Variants in TFDP1 observed in about 807,000 individuals in gnomAD.
The protein encoded by TFDP1 is transcription factor Dp-1.
TFDP1 carries 6 observed loss-of-function variants against 48.0 expected under a neutral mutation model. The ratio of observed to expected loss-of-function variants is 0.13; its 90% CI spans 0.07 to 0.25. The LOEUF (loss-of-function observed/expected upper bound fraction) is 0.25, where lower values mean the gene tolerates loss of function less well. Ranked by LOEUF, TFDP1 falls within the 10% of genes least tolerant of loss-of-function variation. TFDP1 has a pLI of 1.00. For synonymous variants in TFDP1, 201 were observed against 211.6 expected, an observed-to-expected ratio of 0.95 and a Z score of 0.44; for missense variants, 335 against 543.0, an observed-to-expected ratio of 0.62 and a Z score of 3.81.
intron 4 of TFDP1, among the ~76,000 whole-genome samples, chr13:113,630,114 G>A (rs2049294708): frequency 6.6e-6 from 1 of 152,048 alleles, no homozygotes; most frequent in Non-Finnish European, 1.5e-5. Flanking sequence ...GGGTCCTTTT[G>A]TCAGCTGTTT....
rs2049615460 is a variant in TFDP1, at chr13:113,640,449, ATG to A, written c.*188_*189del. The A allele has an allele frequency of 7.0e-6, 7 of 994,080 alleles. No individual in the cohort carries two copies. The highest frequency in any genetic ancestry group is 9.8e-6 in the Non-Finnish European group (7 of 716,248). 61.6% of individuals were successfully genotyped at this position (994,080 alleles called of 1,614,324 possible). On this transcript the variant is annotated 3_prime_UTR_variant, in exon 12 of 12. Coordinates refer to ENST00000375370, the MANE Select transcript of TFDP1 (RefSeq NM_007111.5). The stretch of plus-strand genomic sequence containing the variant: ...CCCGTAGGATTAGGACGTGCTGTGG[ATG>A]TGTGTTTTGATACCAGTGTGCTGAT...
In TFDP1 at chr13:113,634,510, CACATGGGT is replaced by C. The variant is rs1228238728; in HGVS notation, c.619-23_619-16del. 6.2e-7 allele frequency: 1 copy of C among 1,606,568 alleles called. No individual in the cohort carries two copies. The highest frequency in any genetic ancestry group is 1.3e-5 in the African/African-American group (1 of 74,598). On this transcript the variant is annotated splice_polypyrimidine_tract_variant and intron_variant, in intron 7 of 11. Coordinates refer to ENST00000375370, the MANE Select transcript of TFDP1 (RefSeq NM_007111.5). ...CTGTGGAACAGTTGTGATGATTCTT[CACATGGGT>C]GGTTTGTTTTTGAAGGTGGAAAGAC...
At chr13:113,601,587 C>T (rs543695680) in intron 2 of TFDP1, among the ~76,000 whole-genome samples, 45 of 152,210 alleles carry the variant, frequency 3.0e-4, no homozygotes, top group Non-Finnish European at 5.0e-4. Context: ...CTAGGGCCAC[C>T]GGAGGTCGTC....
Position 113,636,522 on chromosome 13 carries a change from T to G in TFDP1, c.840-12T>G. ...GAGACCCTGTCTTTCTGACTGTGCCTTTCCCCTTCAGATTTGAGTATCTGT... is the reference window on the plus strand; with the variant it reads ...GAGACCCTGTCTTTCTGACTGTGCCGTTCCCCTTCAGATTTGAGTATCTGT... On this transcript the variant is annotated splice_polypyrimidine_tract_variant and intron_variant, in intron 9 of 11. Coordinates refer to ENST00000375370, the MANE Select transcript of TFDP1 (RefSeq NM_007111.5). 1 of 1,612,812 alleles carries G rather than the reference T, an allele frequency of 6.2e-7. No homozygotes were observed. The highest frequency in any genetic ancestry group is 8.5e-7 in the Non-Finnish European group (1 of 1,179,790).
intron 2 of TFDP1, 54 bp from the exon 3 acceptor site, chr13:113,610,942 G>C (rs1227012790): frequency 6.4e-7 from 1 of 1,570,472 alleles, no homozygotes; most frequent in Non-Finnish European, 8.8e-7. Context: ...AACACCCCTA[G>C]TTTCGTAGCC....
intron 2 of TFDP1, among the ~76,000 whole-genome samples, chr13:113,595,294 C>T (rs1242067847): frequency 2.0e-5 from 3 of 152,234 alleles, no homozygotes; most frequent in Admixed American, 6.5e-5. Context: ...CTTCAAGCCA[C>T]GCCCACCATA....
chr13:113,603,789 G>A (rs2048498209), intron 2 of TFDP1, among the ~76,000 whole-genome samples: 1 of 152,166 alleles, frequency 6.6e-6, no homozygotes, highest in Non-Finnish European at 1.5e-5. Flanking sequence ...AATGTGTTTA[G>A]CACCTTGAGG....
intron 3 of TFDP1, among the ~76,000 whole-genome samples, chr13:113,616,281 G>C (rs2048856832): frequency 6.6e-6 from 1 of 151,744 alleles, no homozygotes; most frequent in Non-Finnish European, 1.5e-5. Flanking sequence ...TGGAGTGTCT[G>C]TCCTCTCCAT....
chr13:113,612,534 A>G (rs1046666528), intron 3 of TFDP1, among the ~76,000 whole-genome samples: 11 of 152,264 alleles, frequency 7.2e-5, no homozygotes, highest in Non-Finnish European at 1.2e-4. Flanking sequence ...TGAACACTTA[A>G]AAGTGGACAA....
chr13:113,627,459 C>T lies in TFDP1; in HGVS notation c.187-4164C>T, dbSNP rs574535338. Among the ~76,000 whole-genome samples, 3 of 152,298 alleles carry T rather than the reference C, an allele frequency of 2.0e-5. No homozygotes were observed. Among genetic ancestry groups the T allele is most frequent in the East Asian group, 1.9e-4 (1 of 5,180 alleles). On this transcript the variant is annotated intron_variant, in intron 4 of 11. Coordinates refer to ENST00000375370, the MANE Select transcript of TFDP1 (RefSeq NM_007111.5). The surrounding 1 kb of genome is among the most constrained non-coding windows in gnomAD (Gnocchi z 4.1). ...CGCAGTGGCCTTTCCTTTGCAGCTG[C>T]GCCACTGGCCCTGTCTCTCTGGACA...
intron 2 of TFDP1, 50 bp from the exon 3 acceptor site, chr13:113,610,946 C>G: frequency 6.4e-7 from 1 of 1,572,856 alleles, no homozygotes. Flanking sequence ...CCCCTAGTTT[C>G]GTAGCCCTTT....
At chr13:113,632,655 G>A (rs1331069118) in intron 5 of TFDP1, among the ~76,000 whole-genome samples, 1 of 152,216 alleles carries the variant, frequency 6.6e-6, no homozygotes, top group South Asian at 2.1e-4. Context: ...GCACGTGCCT[G>A]TAATCCCAGC....
At chr13:113,605,840 G>A (rs1489582131) in intron 2 of TFDP1, among the ~76,000 whole-genome samples, 9 of 151,990 alleles carry the variant, frequency 5.9e-5, no homozygotes, top group East Asian at 5.8e-4. Context: ...GGAAAGCAGC[G>A]CAGTGGTGAG....
intron 2 of TFDP1, among the ~76,000 whole-genome samples, chr13:113,601,262 G>A (rs770233225): frequency 4.1e-5 from 6 of 145,682 alleles, no homozygotes; most frequent in Non-Finnish European, 7.5e-5. Flanking sequence ...CCAGGTCCCC[G>A]TTCAGCCTGT....
chr13:113,618,788 TG>T (rs1418149045), intron 3 of TFDP1, among the ~76,000 whole-genome samples: 2 of 152,254 alleles, frequency 1.3e-5, no homozygotes, highest in African/African-American at 4.8e-5. Context: ...TTTATTATAA[TG>T]GCATAGCATA....
rs188577348 is a variant in TFDP1 at position 113,602,118 on chromosome 13, G to A, written c.13-8878G>A. On this transcript the variant is annotated intron_variant, in intron 2 of 11. Transcript: ENST00000375370. ...GTTACCCGCAGGAGTCGAGGGAGGA[G>A]TGGACAGAGTTACCCGCAGGAGTTG... Among the ~76,000 whole-genome samples the A allele has an allele frequency of 2.0e-5, 3 of 151,980 alleles. 1 individual carries two copies. Among genetic ancestry groups the A allele is most frequent in the East Asian group, 1.9e-4 (1 of 5,138 alleles).
rs926083143 is a variant in TFDP1, at chr13:113,598,661, G to T, written c.13-12335G>T. Among the ~76,000 whole-genome samples the T allele has an allele frequency of 7.2e-5, 11 of 152,198 alleles. No individual in the cohort carries two copies. The highest frequency in any genetic ancestry group is 6.5e-4 in the Admixed American group (10 of 15,288). ...GCTGTCCCCTGAGGACCTGGGGTTC[G>T]TGTTGCCCTCCTGGGTGGAGTCTGC... On this transcript the variant is annotated intron_variant, in intron 2 of 11. Coordinates refer to ENST00000375370, the MANE Select transcript of TFDP1 (RefSeq NM_007111.5). This position sits in a 1 kb window ranked among gnomAD's most constrained non-coding sequence, Gnocchi z 4.2.
At chr13:113,614,155 T>G (rs1431253199) in intron 3 of TFDP1, among the ~76,000 whole-genome samples, 2 of 151,724 alleles carry the variant, frequency 1.3e-5, no homozygotes, top group Non-Finnish European at 2.9e-5. Context: ...CGTGTGCATG[T>G]GTGTGTGTTG....
intron 2 of TFDP1, among the ~76,000 whole-genome samples, chr13:113,593,289 G>A (rs1414736599): frequency 1.4e-5 from 2 of 141,040 alleles, no homozygotes; most frequent in African/African-American, 5.5e-5. Flanking sequence ...TGGGTCCTCA[G>A]CCCTGTCCAG....
Sources: allele counts gnomAD v4.1 joint callset (sites outside exome capture counted in the v4.1 genomes callset), GRCh38; gene constraint gnomAD v4.1.1; non-coding constraint Gnocchi (gnomAD v3.1); transcripts MANE v1.5; gene names NCBI Gene and HGNC (gene_info 2026-07-23, HGNC 2026-07-21).